Variants in POLQ observed in about 807,000 individuals in gnomAD.
POLQ encodes DNA polymerase theta, also known as epididymis secretory sperm binding protein.
POLQ carries 233 observed loss-of-function variants against 259.2 expected under a neutral mutation model. That is an observed-to-expected ratio of 0.90 (90% confidence interval 0.81 to 1.00). The LOEUF (loss-of-function observed/expected upper bound fraction) is 1.00. POLQ is among the 50% of genes least tolerant of loss of function. POLQ has a pLI of 0.00. For missense variants in POLQ, 2,871 were observed against 3,051.6 expected (o/e 0.94, Z 1.39); for synonymous variants, 1,025 against 1,048.8 (o/e 0.98, Z 0.44).
chr3:121,471,493 G>A (rs1180401007), intron 22 of POLQ, among the ~76,000 whole-genome samples: 2 of 152,152 alleles, frequency 1.3e-5, no homozygotes, highest in Admixed American at 1.3e-4. Context: ...TGTAATCCCA[G>A]CACTTTGGGA....
intron 10 of POLQ, 71 bp from the exon 11 acceptor site, chr3:121,510,314 A>G (rs895094092): frequency 1.9e-6 from 2 of 1,056,798 alleles, no homozygotes; most frequent in Non-Finnish European, 2.9e-6. Flanking sequence ...GCGGTGGCTC[A>G]TGCCTGTAAT....
rs1201368190 is a variant in POLQ at position 121,544,599 on chromosome 3, T to C, written c.343+128A>G. On this transcript the variant is annotated intron_variant, in intron 2 of 29. Transcript: ENST00000264233. ...AATAAAACTCCACTTTTCACACATA[T>C]TGTACGATTTTCTCTAGTTATAAAG... is the stretch of plus-strand genomic sequence containing the variant. 3 of 592,852 alleles carry C rather than the reference T, an allele frequency of 5.1e-6. No individual in the cohort carries two copies. In the Admixed American group the frequency reaches 1.0e-4, roughly 20 times the overall value. The allele number at this position is 592,852 out of a possible 1,614,324, so 36.7% of individuals were successfully genotyped here. A position where few individuals can be genotyped will look rare whatever the true frequency, so the allele number is the denominator to read the frequency against.
Position 121,488,878 on chromosome 3 carries a change from T to C in POLQ, c.4053A>G (p.Ala1351=). 1 of 1,614,160 alleles carries C rather than the reference T, an allele frequency of 6.2e-7. No homozygotes were observed. Among genetic ancestry groups the C allele is most frequent in the East Asian group, 2.2e-5 (1 of 44,882 alleles). Residue 1351 remains alanine (A), a synonymous_variant, in exon 16 of 30, where the codon GCA becomes GCG. Transcript: ENST00000264233. ...GGACTAAGCTCTTCTGCATTATCCC[T>C]GCTGCCAGGTTGGTGTCCTTTGCTC... ...KLGAKDTNLA[A]GIMQKSLVQQ...
chr3:121,544,894 G>A lies in POLQ; in HGVS notation c.176C>T (p.Pro59Leu), dbSNP rs558329685. 60 of 1,590,742 alleles carry A rather than the reference G, an allele frequency of 3.8e-5. 1 individual carries two copies. Among genetic ancestry groups the A allele is most frequent in the Admixed American group, 9.0e-5 (5 of 55,340 alleles). Residue 59 changes from proline to leucine, a missense_variant, in exon 2 of 30, where the codon CCT (proline) becomes CTT (leucine). By Grantham distance (98) the Pro-to-Leu change is moderately conservative. Transcript: ENST00000264233. ...GTCTCTTTCGTAGTCAGGAACTGTA[G>A]GCTTGCATTCTCCTTTTAGGAAAAA... Reference protein sequence around the residue: ...LKAAAAGECKPTVPDYERDKL... With the variant: ...LKAAAAGECKLTVPDYERDKL...
intron 28 of POLQ, among the ~76,000 whole-genome samples, chr3:121,433,899 A>G (rs1409117775): frequency 6.6e-6 from 1 of 152,148 alleles, no homozygotes; most frequent in Non-Finnish European, 1.5e-5. Flanking sequence ...TCAGGGAGAG[A>G]GTTCTTCAAC....
At chr3:121,461,649 CAAA>C (rs61467705) in intron 24 of POLQ, among the ~76,000 whole-genome samples, 4 of 77,920 alleles carry the variant, frequency 5.1e-5, no homozygotes, top group South Asian at 6.4e-4. Flanking sequence ...GACTCCGTCT[CAAA>C]AAAAAAAAAA....
intron 20 of POLQ, among the ~76,000 whole-genome samples, chr3:121,475,740 C>T (rs962035453): frequency 6.6e-6 from 1 of 152,080 alleles, no homozygotes; most frequent in Non-Finnish European, 1.5e-5. Flanking sequence ...TATCAAAGGC[C>T]CTTTACTCTT....
chr3:121,458,821 TG>T (rs2047765804), intron 25 of POLQ, among the ~76,000 whole-genome samples: 1 of 152,160 alleles, frequency 6.6e-6, no homozygotes, highest in African/African-American at 2.4e-5. Flanking sequence ...GAGGCCAAGT[TG>T]GAAGTATCAC....
rs1418512783 is a variant in POLQ at position 121,432,280 on chromosome 3, G to A, written c.*24C>T. The A allele has an allele frequency of 6.3e-7, 1 of 1,580,232 alleles. No individual in the cohort carries two copies. Among genetic ancestry groups the A allele is most frequent in the Non-Finnish European group, 8.6e-7 (1 of 1,167,026 alleles). Reference sequence around the variant, plus strand: ...TGACTGCATCTGCACAGGCTTCCCTGGGAGGACTTCATCAACAGCACAGTT... The same window carrying A: ...TGACTGCATCTGCACAGGCTTCCCTAGGAGGACTTCATCAACAGCACAGTT... On this transcript the variant is annotated 3_prime_UTR_variant, in exon 30 of 30. Transcript: ENST00000264233.
chr3:121,442,889 TCA>T (rs1259698738), intron 26 of POLQ, among the ~76,000 whole-genome samples: 6 of 152,270 alleles, frequency 3.9e-5, no homozygotes, highest in African/African-American at 1.4e-4. Flanking sequence ...AGATGGAGTC[TCA>T]CTCTGTTGCC....
Position 121,494,789 on chromosome 3 carries a change from G to T in POLQ, c.2279-1068C>A. On this transcript the variant is annotated intron_variant, in intron 14 of 29. Coordinates refer to ENST00000264233, the MANE Select transcript of POLQ (RefSeq NM_199420.4). ...GGAAGTTATCAGGACCAATTACAAC[G>T]ACAGATAGGATGAGACCCACCGTCA... 1.3e-6 allele frequency: 2 copies of T among 1,491,148 alleles called. 1 individual carries two copies. The highest frequency in any genetic ancestry group is 2.3e-5 in the South Asian group (2 of 88,650). The allele number at this position is 1,491,148 out of a possible 1,614,324, so 92.4% of individuals were successfully genotyped here. A position where few individuals can be genotyped will look rare whatever the true frequency, so the allele number is the denominator to read the frequency against.
intron 12 of POLQ, among the ~76,000 whole-genome samples, chr3:121,507,528 A>G (rs1470253745): frequency 2.6e-5 from 4 of 152,126 alleles, no homozygotes; most frequent in African/African-American, 7.2e-5. Flanking sequence ...GGACTTCAAG[A>G]CCAGCCTGGC....
intron 15 of POLQ, among the ~76,000 whole-genome samples, chr3:121,492,833 C>T (rs907754019): frequency 2.8e-5 from 4 of 142,910 alleles, no homozygotes; most frequent in Non-Finnish European, 4.5e-5. Flanking sequence ...GTTTTAGTAG[C>T]GATGAGATCT....
intron 4 of POLQ, among the ~76,000 whole-genome samples, chr3:121,538,239 G>C (rs544396707): frequency 9.9e-5 from 15 of 152,110 alleles, no homozygotes; most frequent in African/African-American, 2.9e-4. Context: ...TGGTAAGCTA[G>C]TGAGTCATCA....
chr3:121,449,829 A>T (rs1020296726), intron 25 of POLQ, among the ~76,000 whole-genome samples: 1 of 152,194 alleles, frequency 6.6e-6, no homozygotes, highest in Non-Finnish European at 1.5e-5. Context: ...CTTGAAAAAG[A>T]CTTGAAGTGT....
In POLQ at chr3:121,509,742, A is replaced by G. The variant is rs777135222; in HGVS notation, c.1817-39T>C. ...AGGGTGAGGAAACAGAGGAACAAAC[A>G]TTCAAAATAAAATAAAACAAAATAC... is the stretch of plus-strand genomic sequence containing the variant. On this transcript the variant is annotated intron_variant, in intron 11 of 29. Transcript: ENST00000264233. 3.8e-6 allele frequency: 6 copies of G among 1,572,368 alleles called. No homozygotes were observed. The East Asian group carries it at 1.3e-4, about 35-fold the overall frequency.
chr3:121,533,014 T>C lies in POLQ; in HGVS notation c.936A>G (p.Glu312=). The C allele has an allele frequency of 6.2e-7, 1 of 1,611,298 alleles. No homozygotes were observed. Among genetic ancestry groups the C allele is most frequent in the Non-Finnish European group, 8.5e-7 (1 of 1,177,922 alleles). ...IYDSSMKLVR[E]FEPMLQVKGD... is the part of the protein sequence containing the mutation. The stretch of plus-strand genomic sequence containing the variant: ...CCTTCACTTGTAGCATGGGCTCAAA[T>C]TCCCTCACAAGTTTCATTGAAGAGT... The change falls in exon 6 of 30, where the codon GAA becomes GAG. Residue 312 remains glutamate (E), a synonymous_variant. Transcript: ENST00000264233.
chr3:121,509,420 C>T, intron 12 of POLQ, 141 bp downstream of exon 12: 1 of 523,618 alleles, frequency 1.9e-6, no homozygotes, highest in East Asian at 3.2e-5. Flanking sequence ...TATCTTCTTA[C>T]CTCTTCTCTA....
chr3:121,473,067 T>C (rs938810395), intron 21 of POLQ, among the ~76,000 whole-genome samples: 5 of 152,126 alleles, frequency 3.3e-5, no homozygotes, highest in African/African-American at 9.7e-5. Context: ...CCACTAAAAA[T>C]ACAAAAATTA....
Sources: allele counts gnomAD v4.1 joint callset (sites outside exome capture counted in the v4.1 genomes callset), GRCh38; gene constraint gnomAD v4.1.1; transcripts MANE v1.5; gene names NCBI Gene and HGNC (gene_info 2026-07-23, HGNC 2026-07-21).